Variants in RALYL observed in about 807,000 individuals in gnomAD.
RALYL encodes RNA-binding Raly-like protein.
In RALYL, 29 loss-of-function variants were observed where a neutral mutation model predicts 35.1. That is an observed-to-expected ratio of 0.83 (90% confidence interval 0.61 to 1.13). RALYL has a LOEUF of 1.13. Ranked by LOEUF, RALYL falls within the 50% of genes most tolerant of loss-of-function variation. The pLI is 0.00. For missense variants in RALYL, 359 were observed against 360.4 expected (o/e 1.00, Z 0.03); for synonymous variants, 120 against 127.6 (o/e 0.94, Z 0.40).
At chr8:84,257,315 G>A (rs892021891) in intron 1 of RALYL, among the ~76,000 whole-genome samples, 1 of 152,062 alleles carries the variant, frequency 6.6e-6, no homozygotes, top group South Asian at 2.1e-4. Flanking sequence ...TTGCTTTATA[G>A]AGCATTAGGT....
chr8:84,915,641 T>C (rs987963764), intron 8 of RALYL, among the ~76,000 whole-genome samples: 2 of 152,052 alleles, frequency 1.3e-5, no homozygotes, highest in African/African-American at 4.8e-5. Flanking sequence ...TAAAAGACAC[T>C]GCTGCTCTGT....
At chr8:84,823,209 T>C (rs1250133912) in intron 4 of RALYL, among the ~76,000 whole-genome samples, 2 of 152,144 alleles carry the variant, frequency 1.3e-5, no homozygotes, top group African/African-American at 4.8e-5. Context: ...AAAAATTTGG[T>C]TCTTTACTGC....
At chr8:84,773,287 C>T (rs1231748792) in intron 2 of RALYL, among the ~76,000 whole-genome samples, 1 of 152,162 alleles carries the variant, frequency 6.6e-6, no homozygotes, top group East Asian at 1.9e-4. Context: ...TAAAAGGATA[C>T]ATTTATATTT....
rs1348268094 is a variant in RALYL, at chr8:84,589,248, G to T, written c.256+59671G>T. On this transcript the variant is annotated intron_variant, in intron 2 of 8. Transcript: ENST00000521268. ...TGAAACTACAGAATCTCAATGCGAT[G>T]TCTTCCAAGGATCTGAAAGGGATTC... Among the ~76,000 whole-genome samples the T allele has an allele frequency of 3.3e-5, 5 of 152,298 alleles. No homozygotes were observed. The East Asian group carries it at 9.6e-4, about 29-fold the overall frequency.
intron 1 of RALYL, among the ~76,000 whole-genome samples, chr8:84,281,207 A>T (rs1163360314): frequency 6.6e-6 from 1 of 152,148 alleles, no homozygotes; most frequent in Non-Finnish European, 1.5e-5. Flanking sequence ...AATTTCCTAA[A>T]ATCACTTGGG....
At chr8:84,802,870 A>G (rs1004260732) in intron 3 of RALYL, among the ~76,000 whole-genome samples, 2 of 152,184 alleles carry the variant, frequency 1.3e-5, no homozygotes, top group African/African-American at 4.8e-5. Flanking sequence ...GGCTGGGGTA[A>G]CTAATGAAAA....
chr8:84,714,257 A>C (rs1373391757), intron 2 of RALYL, among the ~76,000 whole-genome samples: 2 of 151,992 alleles, frequency 1.3e-5, no homozygotes, highest in East Asian at 1.9e-4. Context: ...TTAGGTGGAC[A>C]GGAAGGGCAA....
chr8:84,376,402 G>A (rs1856919352), intron 1 of RALYL, among the ~76,000 whole-genome samples: 1 of 151,772 alleles, frequency 6.6e-6, no homozygotes, highest in Non-Finnish European at 1.5e-5. Context: ...GCAAATACAA[G>A]ATAATGCTTT....
intron 1 of RALYL, among the ~76,000 whole-genome samples, chr8:84,522,440 G>T (rs921653946): frequency 6.6e-6 from 1 of 151,524 alleles, no homozygotes; most frequent in Admixed American, 6.6e-5. Flanking sequence ...TAGTAGAGAC[G>T]GGGTTTCACC....
chr8:84,509,430 G>A (rs1363846077), intron 1 of RALYL, among the ~76,000 whole-genome samples: 2 of 152,164 alleles, frequency 1.3e-5, no homozygotes. Flanking sequence ...TGATGGAATT[G>A]CAGACTTTTG....
intron 1 of RALYL, among the ~76,000 whole-genome samples, chr8:84,286,351 T>A (rs1359968821): frequency 6.6e-6 from 1 of 152,210 alleles, no homozygotes; most frequent in Admixed American, 6.5e-5. Flanking sequence ...GTAACCAAGA[T>A]TGATCTTTTA....
At chr8:84,444,843 A>G (rs1449128126) in intron 1 of RALYL, among the ~76,000 whole-genome samples, 1 of 152,134 alleles carries the variant, frequency 6.6e-6, no homozygotes. Flanking sequence ...GAATTTACTC[A>G]GAAATGGATA....
chr8:84,331,724 G>T (rs542058080), intron 1 of RALYL, among the ~76,000 whole-genome samples: 1 of 152,082 alleles, frequency 6.6e-6, no homozygotes, highest in East Asian at 1.9e-4. Flanking sequence ...CATAAAGCAG[G>T]TCAGTATATA....
chr8:84,825,287 A>G (rs1226984347), intron 4 of RALYL, among the ~76,000 whole-genome samples: 1 of 152,146 alleles, frequency 6.6e-6, no homozygotes, highest in Non-Finnish European at 1.5e-5. Flanking sequence ...GATCAAAACC[A>G]CAATGAAATA....
intron 4 of RALYL, among the ~76,000 whole-genome samples, chr8:84,845,090 C>T (rs1834339249): frequency 1.3e-5 from 2 of 151,984 alleles, no homozygotes; most frequent in Admixed American, 6.6e-5. Context: ...GCACGTTGTG[C>T]ACAAGTACCC....
rs144851589 is a variant in RALYL, at chr8:84,195,420, C to G, written c.-24+10996C>G. On this transcript the variant is annotated intron_variant, in intron 1 of 8. Coordinates refer to ENST00000521268, the MANE Select transcript of RALYL (RefSeq NM_173848.7). ...GCACCATTGCACTCCAGCCCAGCGACAGAGCGAGACTCCATCTCAAAAAAA... is the reference window on the plus strand; with the variant it reads ...GCACCATTGCACTCCAGCCCAGCGAGAGAGCGAGACTCCATCTCAAAAAAA... Among the ~76,000 whole-genome samples the G allele has an allele frequency of 6.3e-3, 957 of 152,130 alleles. 7 individuals are homozygous for G. Among genetic ancestry groups the G allele is most frequent in the Non-Finnish European group, 8.3e-3 (562 of 68,002 alleles).
At chr8:84,285,719 A>T (rs1563669102) in intron 1 of RALYL, among the ~76,000 whole-genome samples, 1 of 152,188 alleles carries the variant, frequency 6.6e-6, no homozygotes, top group South Asian at 2.1e-4. Flanking sequence ...CATGCCTAAC[A>T]TGTTGGAGGA....
At chr8:84,222,812 A>C (rs1227472866) in intron 1 of RALYL, among the ~76,000 whole-genome samples, 2 of 152,120 alleles carry the variant, frequency 1.3e-5, no homozygotes, top group East Asian at 3.9e-4. Flanking sequence ...AAAATGCTAT[A>C]AGAAGATCGA....
chr8:84,426,060 T>A (rs367875089), intron 1 of RALYL, among the ~76,000 whole-genome samples: 1 of 152,168 alleles, frequency 6.6e-6, no homozygotes, highest in Non-Finnish European at 1.5e-5. Flanking sequence ...CAAAATGTTT[T>A]TACTAATTTA....
Sources: allele counts gnomAD v4.1 joint callset (sites outside exome capture counted in the v4.1 genomes callset), GRCh38; gene constraint gnomAD v4.1.1; transcripts MANE v1.5; gene names NCBI Gene and HGNC (gene_info 2026-07-23, HGNC 2026-07-21).